The following STX11 variants were observed in gnomAD, a reference collection of about 807,000 sequenced individuals.
The protein encoded by STX11 is syntaxin-11.
A neutral mutation model predicts 19.9 loss-of-function variants in STX11; 21 were observed. The observed-to-expected ratio is 1.06, with a 90% CI of 0.75 to 1.52. STX11 has a LOEUF of 1.52. Ranked by LOEUF, STX11 falls within the 40% of genes most tolerant of loss-of-function variation. The pLI is 0.00. For missense variants in STX11, 438 were observed against 405.9 expected (o/e 1.08, Z -0.68); for synonymous variants, 193 against 174.4 (o/e 1.11, Z -0.84).
the STX11 span, among the ~76,000 whole-genome samples, chr6:144,143,465 C>T: frequency 6.6e-6 from 1 of 152,048 alleles, no homozygotes; most frequent in East Asian, 1.9e-4. Flanking sequence ...GTAATGGAAC[C>T]TTTGACTGAG....
rs1396602928 is a variant in STX11 at position 144,189,825 on chromosome 6, T to A, written c.*2334T>A. 6.6e-6 allele frequency among the ~76,000 whole-genome samples: 1 copy of A among 152,214 alleles called. No homozygotes were observed. The highest frequency in any genetic ancestry group is 1.5e-5 in the Non-Finnish European group (1 of 68,052). ...TTTCAGCCAACTCCAAGGATATGTATCACCTTTGACTTAATTTGCTTTCTC... is the reference window on the plus strand; with the variant it reads ...TTTCAGCCAACTCCAAGGATATGTAACACCTTTGACTTAATTTGCTTTCTC... On this transcript the variant is annotated 3_prime_UTR_variant, in exon 2 of 2. Coordinates refer to ENST00000367568, the MANE Select transcript of STX11 (RefSeq NM_003764.4).
At position 144,159,159 on chromosome 6, in the gene STX11, G is replaced by A. The variant is rs1379852814; in HGVS notation, c.-6+8456G>A. Among the ~76,000 whole-genome samples, 2 of 152,202 alleles carry A rather than the reference G, an allele frequency of 1.3e-5. No individual in the cohort carries two copies. Among genetic ancestry groups the A allele is most frequent in the African/African-American group, 2.4e-5 (1 of 41,442 alleles). On this transcript the variant is annotated intron_variant, in intron 1 of 1. Coordinates refer to ENST00000367568, the MANE Select transcript of STX11 (RefSeq NM_003764.4). This position sits in a 1 kb window ranked among gnomAD's most constrained non-coding sequence, Gnocchi z 4.3. ...GTGAAAAAAATAACGATTCTGGTGA[G>A]CGTATTTATTCAACAACTATTTATC...
the STX11 span, among the ~76,000 whole-genome samples, chr6:144,142,099 CAGGAGGCTAT>C: frequency 1.3e-5 from 2 of 151,416 alleles, no homozygotes; most frequent in African/African-American, 4.9e-5. Context: ...GGACAGTGGA[CAGGAGGCTAT>C]AGGGTTCAGT....
intron 1 of STX11, among the ~76,000 whole-genome samples, chr6:144,163,187 A>G (rs1801387697): frequency 6.6e-6 from 1 of 152,236 alleles, no homozygotes; most frequent in Non-Finnish European, 1.5e-5. Context: ...AAGTTGCGTA[A>G]GTCAGTTTTG....
At position 144,165,789 on chromosome 6, in the gene STX11, T is replaced by A. The variant is rs1801462019; in HGVS notation, c.-6+15086T>A. ...AAATACTAACTCCTAAGACTGTGTTTGTAAAATACTTTAAAGTTAACAAAG... is the reference window on the plus strand; with the variant it reads ...AAATACTAACTCCTAAGACTGTGTTAGTAAAATACTTTAAAGTTAACAAAG... On this transcript the variant is annotated intron_variant, in intron 1 of 1. Transcript: ENST00000367568. The surrounding 1 kb of genome is among the most constrained non-coding windows in gnomAD (Gnocchi z 5.8). Among the ~76,000 whole-genome samples, 1 of 152,208 alleles carries A rather than the reference T, an allele frequency of 6.6e-6. No individual in the cohort carries two copies. Among genetic ancestry groups the A allele is most frequent in the African/African-American group, 2.4e-5 (1 of 41,444 alleles).
chr6:144,163,625 C>T (rs908133677), intron 1 of STX11, among the ~76,000 whole-genome samples: 6 of 152,104 alleles, frequency 3.9e-5, no homozygotes, highest in African/African-American at 1.4e-4. Flanking sequence ...ATAACAGGCA[C>T]CTGCCACCAC....
rs1049511822 is a variant in STX11, at chr6:144,176,763, G to T, written c.-5-9860G>T. ...TGGCCATTTGAGTCATCAATAAATT[G>T]TGTCTAATGCCCTGTTTTTTAAAAA... On this transcript the variant is annotated intron_variant, in intron 1 of 1. Transcript: ENST00000367568. This position sits in a 1 kb window ranked among gnomAD's most constrained non-coding sequence, Gnocchi z 4.1. 6.6e-5 allele frequency among the ~76,000 whole-genome samples: 10 copies of T among 152,056 alleles called. No individual in the cohort carries two copies. The highest frequency in any genetic ancestry group is 2.4e-4 in the African/African-American group (10 of 41,434).
Position 144,150,608 on chromosome 6 carries a change from G to A in STX11, c.-101G>A. On this transcript the variant is annotated 5_prime_UTR_variant, in exon 1 of 2. Transcript: ENST00000367568. ...GCCGGGAGCGGAGCCGCCGGGAGTC[G>A]CGCAACAGGTTTCCTTCTCCATCGC... 1.0e-6 allele frequency: 1 copy of A among 985,438 alleles called. No homozygotes were observed. Among genetic ancestry groups the A allele is most frequent in the Non-Finnish European group, 1.2e-6 (1 of 829,960 alleles). 61.0% of individuals were successfully genotyped at this position (985,438 alleles called of 1,614,324 possible). A position where few individuals can be genotyped will look rare whatever the true frequency, so the allele number is the denominator to read the frequency against.
At position 144,176,845 on chromosome 6, in the gene STX11, G is replaced by A. The variant is rs1225335906; in HGVS notation, c.-5-9778G>A. On this transcript the variant is annotated intron_variant, in intron 1 of 1. Transcript: ENST00000367568. This position sits in a 1 kb window ranked among gnomAD's most constrained non-coding sequence, Gnocchi z 4.1. ...GGATTTCCAACAAAGATAAGTAGAT[G>A]CCTTTGACATTTGAAGGGAGAAACT... Among the ~76,000 whole-genome samples, 1 of 152,160 alleles carries A rather than the reference G, an allele frequency of 6.6e-6. No individual in the cohort carries two copies. Among genetic ancestry groups the A allele is most frequent in the Non-Finnish European group, 1.5e-5 (1 of 68,018 alleles).
chr6:144,186,282 G>A (rs1471605200), intron 1 of STX11, among the ~76,000 whole-genome samples: 4 of 150,190 alleles, frequency 2.7e-5, no homozygotes, highest in Admixed American at 1.3e-4. Context: ...AAACCTGCAC[G>A]TTGTGCACAT....
At chr6:144,164,805 T>A (rs1584029061) in intron 1 of STX11, among the ~76,000 whole-genome samples, 1 of 152,214 alleles carries the variant, frequency 6.6e-6, no homozygotes, top group Non-Finnish European at 1.5e-5. Flanking sequence ...GTGATTCTCC[T>A]GCTTCAGCAT....
In STX11 at chr6:144,187,014, G is replaced by A. The variant is rs1802063048; in HGVS notation, c.387G>A (p.Arg129=). The change falls in exon 2 of 2, where the codon CGG becomes CGA. Residue 129 remains arginine, a synonymous_variant. Coordinates refer to ENST00000367568, the MANE Select transcript of STX11 (RefSeq NM_003764.4). This position sits in a 1 kb window ranked among gnomAD's most constrained non-coding sequence, Gnocchi z 5.6. ...GPHSAVARIS[R]AQYNALTLTF... The stretch of plus-strand genomic sequence containing the variant: ...ACTCGGCAGTGGCGCGCATTTCGCG[G>A]GCGCAGTACAACGCGCTCACCCTCA... 6 of 1,611,318 alleles carry A rather than the reference G, an allele frequency of 3.7e-6. No homozygotes were observed. The highest frequency in any genetic ancestry group is 5.1e-6 in the Non-Finnish European group (6 of 1,179,836).
upstream of STX11, among the ~76,000 whole-genome samples, chr6:144,147,899 C>T (rs1357998521): frequency 6.6e-6 from 1 of 152,126 alleles, no homozygotes; most frequent in Non-Finnish European, 1.5e-5. This position sits in a 1 kb window ranked among gnomAD's most constrained non-coding sequence, Gnocchi z 4.2. Flanking sequence ...GAGTGAGCTG[C>T]TGTCTCAAAA....
At chr6:144,186,514 G>A in intron 1 of STX11, 109 bp from the exon 2 acceptor site, 4 of 1,404,950 alleles carry the variant, frequency 2.8e-6, no homozygotes, top group Non-Finnish European at 4.0e-6. Context: ...TGCCCACACC[G>A]AGGAATACAA....
rs768696430 is a variant in STX11 at position 144,167,412 on chromosome 6, T to C, written c.-6+16709T>C. Among the ~76,000 whole-genome samples, 16 of 152,220 alleles carry C rather than the reference T, an allele frequency of 1.1e-4. No individual in the cohort carries two copies. The highest frequency in any genetic ancestry group is 2.4e-4 in the Non-Finnish European group (16 of 68,040). On this transcript the variant is annotated intron_variant, in intron 1 of 1. Transcript: ENST00000367568. This position sits in a 1 kb window ranked among gnomAD's most constrained non-coding sequence, Gnocchi z 5.0. ...GAAATTTATGTTTCATATATACCTA[T>C]ACACATAGCCTGAAGATAATTGTAT...
At chr6:144,143,670 C>T in the STX11 span, among the ~76,000 whole-genome samples, 1 of 152,174 alleles carries the variant, frequency 6.6e-6, no homozygotes, top group African/African-American at 2.4e-5. Context: ...GGGGCACAGG[C>T]AGCTGTCAGA....
At position 144,150,564 on chromosome 6, in the gene STX11, A is replaced by G. The variant is rs1000735451; in HGVS notation, c.-145A>G. 22 of 985,242 alleles carry G rather than the reference A, an allele frequency of 2.2e-5. No individual in the cohort carries two copies. Among genetic ancestry groups the G allele is most frequent in the Non-Finnish European group, 2.7e-5 (22 of 829,946 alleles). The allele number at this position is 985,242 out of a possible 1,614,324, so 61.0% of individuals were successfully genotyped here. On this transcript the variant is annotated 5_prime_UTR_variant, in exon 1 of 2. Coordinates refer to ENST00000367568, the MANE Select transcript of STX11 (RefSeq NM_003764.4). ...AGCTCGGGCGGCCGTGGAGGAACTC[A>G]GCCTCGGCCGCAGGAGGCGCCGGGA...
rs1395461954 is a variant in STX11 at position 144,174,647 on chromosome 6, G to C, written c.-5-11976G>C. ...CCTCCCAAGCCAGGATTACAGATATGAGTCCCTGTGCCTGGCCAGAAAAGT... is the reference window on the plus strand; with the variant it reads ...CCTCCCAAGCCAGGATTACAGATATCAGTCCCTGTGCCTGGCCAGAAAAGT... On this transcript the variant is annotated intron_variant, in intron 1 of 1. Coordinates refer to ENST00000367568, the MANE Select transcript of STX11 (RefSeq NM_003764.4). This position sits in a 1 kb window ranked among gnomAD's most constrained non-coding sequence, Gnocchi z 5.3. Among the ~76,000 whole-genome samples, 2 of 152,272 alleles carry C rather than the reference G, an allele frequency of 1.3e-5. No individual in the cohort carries two copies. The highest frequency in any genetic ancestry group is 1.9e-4 in the East Asian group (1 of 5,170).
chr6:144,181,715 G>A (rs543694324), intron 1 of STX11, among the ~76,000 whole-genome samples: 60 of 151,894 alleles, frequency 4.0e-4, no homozygotes, highest in African/African-American at 1.4e-3. Flanking sequence ...GAAACTCTAG[G>A]TGCCCAGGCA....
Sources: allele counts gnomAD v4.1 joint callset (sites outside exome capture counted in the v4.1 genomes callset), GRCh38; gene constraint gnomAD v4.1.1; non-coding constraint Gnocchi (gnomAD v3.1); transcripts MANE v1.5; gene names NCBI Gene and HGNC (gene_info 2026-07-23, HGNC 2026-07-21).